The following HDAC9 variants were observed in gnomAD, a reference collection of about 807,000 sequenced individuals.
The protein encoded by HDAC9 is histone deacetylase 9, also known as MEF-2 interacting transcription repressor (MITR) protein.
Under a neutral mutation model 139.4 loss-of-function variants are expected in HDAC9, and 41 were observed. The ratio of observed to expected loss-of-function variants is 0.29; its 90% CI spans 0.23 to 0.38. HDAC9 has a LOEUF of 0.38. Ranked by LOEUF, HDAC9 falls within the 10% of genes least tolerant of loss-of-function variation. The pLI, the probability that HDAC9 is intolerant of heterozygous loss-of-function variation, is 1.00. For missense variants in HDAC9, 1,147 were observed against 1,297.0 expected, an observed-to-expected ratio of 0.88 and a Z score of 1.78; for synonymous variants, 517 against 476.2, an observed-to-expected ratio of 1.09 and a Z score of -1.12.
chr7:18,190,880 C>T (rs1014482242), intron 2 of HDAC9, among the ~76,000 whole-genome samples: 1 of 152,122 alleles, frequency 6.6e-6, no homozygotes, highest in Admixed American at 6.5e-5. Context: ...TTGTAAACTC[C>T]TACCTTTGTA....
intron 25 of HDAC9, among the ~76,000 whole-genome samples, chr7:18,993,831 G>C (rs1378133204): frequency 1.3e-5 from 2 of 152,162 alleles, no homozygotes; most frequent in Admixed American, 1.3e-4. Flanking sequence ...GAAAGAGCGA[G>C]AGAGAGAATT....
At chr7:18,229,690 A>G (rs1793321040) in intron 2 of HDAC9, among the ~76,000 whole-genome samples, 1 of 152,164 alleles carries the variant, frequency 6.6e-6, no homozygotes, top group Non-Finnish European at 1.5e-5. Flanking sequence ...GTAGAGTGAG[A>G]TACAAAATGC....
rs1405243499 is a variant in HDAC9 at position 18,997,254 on chromosome 7, G to T, written c.*1192G>T. ...GTGTTAATGAAGGCACTGCTTATTT[G>T]TAGTCACCTTGAACTGACTTAACCT... is the stretch of plus-strand genomic sequence containing the variant. On this transcript the variant is annotated 3_prime_UTR_variant, in exon 26 of 26. Transcript: ENST00000686413. 6.7e-6 allele frequency: 1 copy of T among 149,882 alleles called. No homozygotes were observed. The highest frequency in any genetic ancestry group is 2.5e-5 in the African/African-American group (1 of 40,642). The allele number at this position is 149,882 out of a possible 1,614,324, so 9.3% of individuals were successfully genotyped here. A position where few individuals can be genotyped will look rare whatever the true frequency, so the allele number is the denominator to read the frequency against.
At chr7:18,356,369 T>G (rs1039984868) in intron 1 of HDAC9, among the ~76,000 whole-genome samples, 5 of 141,248 alleles carry the variant, frequency 3.5e-5, no homozygotes, top group African/African-American at 1.3e-4. Context: ...TTTTTTTTTT[T>G]TTTTTTTTTT....
At chr7:18,604,299 T>TA (rs893858911) in intron 6 of HDAC9, among the ~76,000 whole-genome samples, 2 of 152,160 alleles carry the variant, frequency 1.3e-5, no homozygotes, top group African/African-American at 4.8e-5. Context: ...CTGTTCCATT[T>TA]AAAAAAATTG....
At chr7:18,418,872 T>A (rs1458907525) in intron 1 of HDAC9, among the ~76,000 whole-genome samples, 1 of 152,138 alleles carries the variant, frequency 6.6e-6, no homozygotes, top group Non-Finnish European at 1.5e-5. Flanking sequence ...TGGAAACAAC[T>A]GTTTGTATAC....
At chr7:18,850,081 T>TAAAAAAAAAAAAAAAAAAAAAAAAA in intron 21 of HDAC9, among the ~76,000 whole-genome samples, 1 of 82,312 alleles carries the variant, frequency 1.2e-5, no homozygotes, top group Non-Finnish European at 2.6e-5. Flanking sequence ...AAAGCCTGAG[T>TAAAAAAAAAAAAAAAAAAAAAAAAA]AAAAAAAAAA....
chr7:18,230,408 C>T (rs961141486), intron 2 of HDAC9, among the ~76,000 whole-genome samples: 7 of 152,158 alleles, frequency 4.6e-5, no homozygotes, highest in African/African-American at 1.2e-4. Context: ...GATGCCTTTG[C>T]GTGGTTCCTG....
At chr7:18,767,856 C>T (rs1789963075) in intron 16 of HDAC9, among the ~76,000 whole-genome samples, 1 of 152,080 alleles carries the variant, frequency 6.6e-6, no homozygotes, top group South Asian at 2.1e-4. Context: ...CAACATAATT[C>T]TAGGTGAAGT....
intron 17 of HDAC9, among the ~76,000 whole-genome samples, chr7:18,823,288 T>A (rs191541142): frequency 2.0e-5 from 3 of 152,086 alleles, no homozygotes; most frequent in Non-Finnish European, 4.4e-5. Context: ...ATGAGCAGGG[T>A]AGGAGATTGG....
At chr7:18,411,817 C>T (rs878897786) in intron 1 of HDAC9, among the ~76,000 whole-genome samples, 934 of 88,966 alleles carry the variant, frequency 0.01, 31 homozygotes, top group Admixed American at 0.069. Context: ...TTTCAACTTG[C>T]TTTTTTTTTT....
At chr7:18,594,956 A>T (rs1318943962) in intron 6 of HDAC9, among the ~76,000 whole-genome samples, 1 of 152,064 alleles carries the variant, frequency 6.6e-6, no homozygotes, top group Non-Finnish European at 1.5e-5. Context: ...TTATATATGA[A>T]ATCTGCAGAG....
rs1658676114 is a variant in HDAC9, at chr7:18,459,247, CCTA to C, written c.-41-37011_-41-37009del. Among the ~76,000 whole-genome samples, 3 of 152,196 alleles carry C rather than the reference CCTA, an allele frequency of 2.0e-5. No individual in the cohort carries two copies. In the South Asian group the frequency reaches 6.2e-4, roughly 32 times the overall value. On this transcript the variant is annotated intron_variant, in intron 1 of 3. Transcript: ENST00000413509. ...CACAACTGCCTGATATCTGTTACTT[CCTA>C]CTAAGTTTTAACAGATAAACCAGAC...
At chr7:18,116,394 T>A (rs1437744287) in intron 1 of HDAC9, among the ~76,000 whole-genome samples, 1 of 152,202 alleles carries the variant, frequency 6.6e-6, no homozygotes, top group Non-Finnish European at 1.5e-5. Flanking sequence ...ACTATCACTT[T>A]GATTAAATGA....
chr7:18,530,994 A>G (rs1808745588), intron 2 of HDAC9, among the ~76,000 whole-genome samples: 1 of 151,960 alleles, frequency 6.6e-6, no homozygotes, highest in South Asian at 2.1e-4. Context: ...TAGCCATTTT[A>G]ACAATTTTTT....
At chr7:18,167,346 T>C (rs1352212450) in intron 2 of HDAC9, among the ~76,000 whole-genome samples, 1 of 152,214 alleles carries the variant, frequency 6.6e-6, no homozygotes, top group Non-Finnish European at 1.5e-5. Flanking sequence ...GACAGTGCTT[T>C]AATAAGTGAG....
intron 25 of HDAC9, among the ~76,000 whole-genome samples, chr7:18,983,730 G>T (rs1208433959): frequency 2.6e-5 from 4 of 152,092 alleles, no homozygotes; most frequent in Non-Finnish European, 4.4e-5. Context: ...AGTTCCAATT[G>T]CATCATAGCC....
chr7:18,657,216 A>G (rs1432445937), intron 11 of HDAC9, among the ~76,000 whole-genome samples: 1 of 152,234 alleles, frequency 6.6e-6, no homozygotes, highest in Non-Finnish European at 1.5e-5. Context: ...ATTTTCTCCC[A>G]TCCTGTGGGT....
At chr7:18,419,256 CTA>C (rs1227964989) in intron 1 of HDAC9, among the ~76,000 whole-genome samples, 1 of 152,100 alleles carries the variant, frequency 6.6e-6, no homozygotes, top group Non-Finnish European at 1.5e-5. Flanking sequence ...GCCTTTTTAA[CTA>C]TGATATTAAT....
Sources: gnomAD v4.1 joint callset for allele counts (sites outside exome capture counted in the v4.1 genomes callset) on GRCh38, gnomAD v4.1.1 for gene constraint, MANE v1.5 for transcripts, NCBI Gene and HGNC (gene_info 2026-07-23, HGNC 2026-07-21) for gene names.